C1orf94: variants seen among roughly 807,000 people sequenced by gnomAD.
C1orf94 encodes the protein chromosome 1 open reading frame 94.
Under a neutral mutation model 53.6 loss-of-function variants are expected in C1orf94, and 45 were observed. The ratio of observed to expected loss-of-function variants is 0.84; its 90% CI spans 0.66 to 1.08. The LOEUF is 1.08. Ranked by LOEUF, C1orf94 falls within the 50% of genes least tolerant of loss-of-function variation. The pLI is 0.00. For missense variants in C1orf94, 762 were observed against 738.9 expected (o/e 1.03, Z -0.36); for synonymous variants, 304 against 296.1 (o/e 1.03, Z -0.27).
intron 4 of C1orf94, among the ~76,000 whole-genome samples, chr1:34,207,505 G>T (rs1393011427): frequency 6.6e-6 from 1 of 152,166 alleles, no homozygotes; most frequent in Non-Finnish European, 1.5e-5. Context: ...CACCCTCACA[G>T]TGCCCCTCTC....
At chr1:34,192,398 C>T (rs1277499242) in intron 1 of C1orf94, among the ~76,000 whole-genome samples, 6 of 152,048 alleles carry the variant, frequency 3.9e-5, no homozygotes, top group Non-Finnish European at 8.8e-5. Flanking sequence ...GATGCCAGGC[C>T]AGAGATGGGA....
At chr1:34,203,124 A>G (rs1055956554) in intron 4 of C1orf94, among the ~76,000 whole-genome samples, 1 of 152,030 alleles carries the variant, frequency 6.6e-6, no homozygotes, top group African/African-American at 2.4e-5. Flanking sequence ...ATCAGGGACT[A>G]GATCATCCTC....
rs1391112083 is a variant in C1orf94 at position 34,197,857 on chromosome 1, C to A, written c.953C>A (p.Ala318Asp). ...PAQKRQLPVFAKICSKPKADP... is the reference protein window; with the variant it reads ...PAQKRQLPVFDKICSKPKADP... ...CAGAAGAGGCAGCTCCCAGTGTTTG[C>A]CAAGATCTGTTCCAAGCCCAAGGCT... Residue 318 changes from alanine (A) to aspartate (D), a missense_variant, in exon 2 of 7, where the codon GCC becomes GAC. Coordinates refer to ENST00000488417, the MANE Select transcript of C1orf94 (RefSeq NM_001134734.2). This position sits in a 1 kb window ranked among gnomAD's most constrained non-coding sequence, Gnocchi z 4.1. 1 of 1,614,186 alleles carries A rather than the reference C, an allele frequency of 6.2e-7. No individual in the cohort carries two copies. The highest frequency in any genetic ancestry group is 8.5e-7 in the Non-Finnish European group (1 of 1,180,026).
chr1:34,198,006 C>T (rs1642631597), intron 2 of C1orf94, 93 bp downstream of exon 2: 3 of 1,308,062 alleles, frequency 2.3e-6, no homozygotes, highest in Non-Finnish European at 3.1e-6. Context: ...CATAAAGCAT[C>T]TTCATGCAAA....
At chr1:34,179,774 TG>T (rs1454345227) in intron 1 of C1orf94, among the ~76,000 whole-genome samples, 2 of 152,198 alleles carry the variant, frequency 1.3e-5, no homozygotes, top group African/African-American at 2.4e-5. Context: ...GGCTTCAATC[TG>T]GGGTTCACAC....
chr1:34,176,626 A>T (rs969474552), upstream of C1orf94, among the ~76,000 whole-genome samples: 1 of 152,072 alleles, frequency 6.6e-6, no homozygotes, highest in Non-Finnish European at 1.5e-5. Flanking sequence ...TCCCGTGTAG[A>T]ACGATAATAA....
chr1:34,185,330 C>T (rs914840634), intron 1 of C1orf94, among the ~76,000 whole-genome samples: 1 of 152,182 alleles, frequency 6.6e-6, no homozygotes, highest in Non-Finnish European at 1.5e-5. Context: ...CAGGCATGCA[C>T]CTCCATGCCT....
intron 1 of C1orf94, among the ~76,000 whole-genome samples, chr1:34,195,043 G>A (rs1642556895): frequency 6.6e-6 from 1 of 152,092 alleles, no homozygotes; most frequent in South Asian, 2.1e-4. Context: ...CCTATTTATA[G>A]GCCTAAGTCT....
intron 1 of C1orf94, among the ~76,000 whole-genome samples, chr1:34,169,088 A>ACGC (rs1642096578): frequency 6.6e-6 from 1 of 151,948 alleles, no homozygotes; most frequent in Non-Finnish European, 1.5e-5. Flanking sequence ...TGGGAAAGAG[A>ACGC]CGCCAAGTGA....
Position 34,197,522 on chromosome 1 carries a change from T to C in C1orf94, c.618T>C (p.Thr206=). 2 of 1,614,108 alleles carry C rather than the reference T, an allele frequency of 1.2e-6. No individual in the cohort carries two copies. The highest frequency in any genetic ancestry group is 1.7e-6 in the Non-Finnish European group (2 of 1,180,012). Residue 206 remains threonine, a synonymous_variant, in exon 2 of 7, where the codon ACT becomes ACC. Transcript: ENST00000488417. This position sits in a 1 kb window ranked among gnomAD's most constrained non-coding sequence, Gnocchi z 4.1. The stretch of plus-strand genomic sequence containing the variant: ...AGGACTGTGATTCTGCCACTTCTAC[T>C]GTCACAGACATTCTGTGTGCCGCCG... ...SRQDCDSATS[T]VTDILCAAEV...
At chr1:34,201,402 C>G (rs1259778981) in intron 3 of C1orf94, among the ~76,000 whole-genome samples, 1 of 152,102 alleles carries the variant, frequency 6.6e-6, no homozygotes, top group Admixed American at 6.5e-5. Flanking sequence ...GGGTTCTAGT[C>G]AAACCTCTTT....
At chr1:34,185,856 CT>C (rs1311888997) in intron 1 of C1orf94, among the ~76,000 whole-genome samples, 2 of 152,206 alleles carry the variant, frequency 1.3e-5, no homozygotes, top group Non-Finnish European at 1.5e-5. Flanking sequence ...GTGGCCCTGC[CT>C]CCATCTCTAG....
intron 1 of C1orf94, among the ~76,000 whole-genome samples, chr1:34,187,777 C>CCA (rs1642408089): frequency 1.7e-5 from 1 of 58,836 alleles, no homozygotes; most frequent in Non-Finnish European, 3.6e-5. Flanking sequence ...CCACCCCCCC[C>CCA]CCCCCGCCGC....
chr1:34,185,291 T>C (rs540308117), intron 1 of C1orf94, among the ~76,000 whole-genome samples: 6 of 152,306 alleles, frequency 3.9e-5, no homozygotes, highest in African/African-American at 1.2e-4. Flanking sequence ...GCAATTCTCC[T>C]GCCTCAGCCT....
intron 1 of C1orf94, among the ~76,000 whole-genome samples, chr1:34,178,790 G>A (rs1486994762): frequency 2.0e-5 from 3 of 152,192 alleles, no homozygotes; most frequent in Non-Finnish European, 4.4e-5. Flanking sequence ...GGAAGGAGCA[G>A]AGAGGAAAAA....
intron 1 of C1orf94, among the ~76,000 whole-genome samples, chr1:34,187,372 T>C (rs1455122104): frequency 6.6e-6 from 1 of 152,060 alleles, no homozygotes; most frequent in African/African-American, 2.4e-5. Flanking sequence ...CCCTTCCACG[T>C]CTGCTTAGTA....
chr1:34,174,164 G>A (rs947261002), upstream of C1orf94, among the ~76,000 whole-genome samples: 10 of 152,318 alleles, frequency 6.6e-5, no homozygotes, highest in Admixed American at 4.6e-4. Context: ...ATGTGAATTC[G>A]TTTCTCCATC....
At chr1:34,199,131 G>A (rs1642650972) in intron 2 of C1orf94, among the ~76,000 whole-genome samples, 1 of 152,166 alleles carries the variant, frequency 6.6e-6, no homozygotes, top group Admixed American at 6.5e-5. Context: ...GCATGTCTGT[G>A]TACACATTTG....
At chr1:34,207,384 C>G (rs1214342817) in intron 4 of C1orf94, among the ~76,000 whole-genome samples, 1 of 151,884 alleles carries the variant, frequency 6.6e-6, no homozygotes, top group Non-Finnish European at 1.5e-5. Flanking sequence ...GGCTGAACTG[C>G]CAGAAAGCTG....
Sources: allele counts gnomAD v4.1 joint callset (sites outside exome capture counted in the v4.1 genomes callset), GRCh38; gene constraint gnomAD v4.1.1; non-coding constraint Gnocchi (gnomAD v3.1); transcripts MANE v1.5; gene names NCBI Gene and HGNC (gene_info 2026-07-23, HGNC 2026-07-21).